Variants in CFI observed in about 807,000 individuals in gnomAD.
CFI encodes complement factor I, also known as C3B/C4B inactivator.
CFI carries 66 observed loss-of-function variants against 78.8 expected under a neutral mutation model. The observed-to-expected ratio is 0.84, with a 90% CI of 0.69 to 1.03. The LOEUF (loss-of-function observed/expected upper bound fraction) is 1.03, where lower values mean the gene tolerates loss of function less well. CFI is among the 50% of genes least tolerant of loss of function. The pLI is 0.00. For synonymous variants in CFI, 250 were observed against 232.6 expected, an observed-to-expected ratio of 1.07 and a Z score of -0.68; for missense variants, 706 against 704.5, an observed-to-expected ratio of 1.00 and a Z score of -0.02.
At chr4:109,753,835 A>ATTTGAT (rs1725734209) in intron 7 of CFI, among the ~76,000 whole-genome samples, 2 of 50,920 alleles carry the variant, frequency 3.9e-5, no homozygotes, top group Non-Finnish European at 3.3e-5. Context: ...TATATTATAT[A>ATTTGAT]ATGTATAATC....
At chr4:109,749,741 T>G (rs1284767220) in intron 8 of CFI, 139 bp from the exon 9 acceptor site, 1 of 652,208 alleles carries the variant, frequency 1.5e-6, no homozygotes, top group Non-Finnish European at 2.8e-6. Context: ...TAAATTATTT[T>G]GAATGCTAAA....
chr4:109,797,290 G>T (rs924053596), intron 1 of CFI, among the ~76,000 whole-genome samples: 6 of 152,164 alleles, frequency 3.9e-5, no homozygotes, highest in African/African-American at 1.4e-4. Flanking sequence ...ATAGTCAACT[G>T]CTCTTCAACA....
intron 11 of CFI, among the ~76,000 whole-genome samples, chr4:109,743,382 T>C (rs1724037547): frequency 6.6e-6 from 1 of 152,202 alleles, no homozygotes; most frequent in Non-Finnish European, 1.5e-5. Flanking sequence ...TTGGCACTCT[T>C]GTAAGCTTCT....
downstream of CFI, among the ~76,000 whole-genome samples, chr4:109,739,452 A>G (rs1723577977): frequency 6.6e-6 from 1 of 152,098 alleles, no homozygotes; most frequent in African/African-American, 2.4e-5. Flanking sequence ...AACAGAATAC[A>G]CTGGGGGAAG....
chr4:109,760,493 A>T (rs1006269350), intron 5 of CFI, 30 bp downstream of exon 5: 1 of 1,481,652 alleles, frequency 6.7e-7, no homozygotes. Flanking sequence ...AAATGAATTT[A>T]GAGGATTTAG....
intron 1 of CFI, among the ~76,000 whole-genome samples, chr4:109,775,644 A>T (rs1315243417): frequency 6.6e-6 from 1 of 152,168 alleles, no homozygotes; most frequent in African/African-American, 2.4e-5. Context: ...AGCTTTGAAG[A>T]GAGTAGTGGT....
intron 1 of CFI, among the ~76,000 whole-genome samples, chr4:109,769,773 G>A (rs944532228): frequency 2.6e-5 from 4 of 152,178 alleles, no homozygotes; most frequent in African/African-American, 9.7e-5. Context: ...CAGGAGTCCT[G>A]TTTCCCTCCT....
rs1554027649 is a variant in CFI at position 109,753,541 on chromosome 4, A to AAT, written c.905-1040_905-1039dup. On this transcript the variant is annotated intron_variant, in intron 7 of 12. Transcript: ENST00000394634. The stretch of plus-strand genomic sequence containing the variant: ...ATAAATATTTATAATAAATATTTAT[A>AAT]ATATATTTATTATATAAATAAATAT... Among the ~76,000 whole-genome samples, 8 of 1,362 alleles carry AAT rather than the reference A, an allele frequency of 5.9e-3. 1 individual carries two copies. Among genetic ancestry groups the AAT allele is most frequent in the South Asian group, 0.036 (1 of 28 alleles). The allele number at this position is 1,362 out of a possible 152,430, so 0.9% of individuals were successfully genotyped here.
chr4:109,798,520 T>TA (rs80282320), intron 1 of CFI, among the ~76,000 whole-genome samples: 67,866 of 150,852 alleles, frequency 0.45, 17,702 homozygotes, highest in Non-Finnish European at 0.6. Flanking sequence ...TTTTTTTTTT[T>TA]AAAAAGACCA....
the CFI span, among the ~76,000 whole-genome samples, chr4:109,734,515 G>T: frequency 6.6e-6 from 1 of 152,092 alleles, no homozygotes; most frequent in Non-Finnish European, 1.5e-5. Flanking sequence ...TAGAAATGGC[G>T]ATTACAGGCA....
chr4:109,747,258 T>C (rs1724588951), intron 10 of CFI, among the ~76,000 whole-genome samples: 1 of 152,170 alleles, frequency 6.6e-6, no homozygotes, highest in Non-Finnish European at 1.5e-5. Context: ...TGAACATAGC[T>C]CACTGCAGCC....
In CFI at chr4:109,749,341, G is replaced by A; in HGVS notation, c.1045-20C>T. ...GTCTCCCTGTAAAAGACATTTGTGT[G>A]GTCACTGCCATTCTAACAGATAGCG... On this transcript the variant is annotated intron_variant, in intron 9 of 12. Transcript: ENST00000394634. 1 of 1,597,612 alleles carries A rather than the reference G, an allele frequency of 6.3e-7. No individual in the cohort carries two copies. The highest frequency in any genetic ancestry group is 1.3e-5 in the African/African-American group (1 of 74,666).
intron 3 of CFI, among the ~76,000 whole-genome samples, chr4:109,763,827 A>G (rs1727382251): frequency 6.6e-6 from 1 of 151,870 alleles, no homozygotes; most frequent in Admixed American, 6.6e-5. Context: ...TCAATAACAC[A>G]AAGTTAACCA....
At chr4:109,737,859 C>T (rs150320510), downstream of CFI, among the ~76,000 whole-genome samples, 2,772 of 152,314 alleles carry the variant, frequency 0.018, 41 homozygotes, top group Non-Finnish European at 0.031. Flanking sequence ...AGCGCTGAGA[C>T]AGACCTCTAA....
At chr4:109,770,176 A>T (rs373591978) in intron 1 of CFI, among the ~76,000 whole-genome samples, 1 of 152,196 alleles carries the variant, frequency 6.6e-6, no homozygotes, top group East Asian at 1.9e-4. Flanking sequence ...GCTAAGTGGC[A>T]TGTAATTAAA....
chr4:109,772,379 G>A (rs11929767), intron 1 of CFI, among the ~76,000 whole-genome samples: 13,343 of 152,238 alleles, frequency 0.088, 1,238 homozygotes, highest in African/African-American at 0.23. Context: ...AAATATAAAC[G>A]ATGTGAGTAT....
At chr4:109,793,215 C>G (rs976300838) in intron 1 of CFI, among the ~76,000 whole-genome samples, 4 of 152,250 alleles carry the variant, frequency 2.6e-5, no homozygotes, top group African/African-American at 9.6e-5. Flanking sequence ...GATAACTTGG[C>G]TTTGAGAGCA....
rs1342957482 is a variant in CFI at position 109,749,613 on chromosome 4, G to T, written c.941-11C>A. The T allele has an allele frequency of 6.6e-7, 1 of 1,506,554 alleles. No individual in the cohort carries two copies. The highest frequency in any genetic ancestry group is 1.7e-5 in the Admixed American group (1 of 59,870). The allele number at this position is 1,506,554 out of a possible 1,614,324, so 93.3% of individuals were successfully genotyped here. Reference sequence around the variant, plus strand: ...TTATCCGTCTTCTTTCTTCAAGAAAGGAAGAGATTACATCATTATTATCTT... The same window carrying T: ...TTATCCGTCTTCTTTCTTCAAGAAATGAAGAGATTACATCATTATTATCTT... On this transcript the variant is annotated splice_polypyrimidine_tract_variant and intron_variant, in intron 8 of 12. Transcript: ENST00000394634.
chr4:109,760,441 T>A (rs952228361), intron 5 of CFI, 61 bp from the exon 6 acceptor site: 1 of 1,497,816 alleles, frequency 6.7e-7, no homozygotes, highest in African/African-American at 1.4e-5. Flanking sequence ...AGGTACAATA[T>A]AAAATTCAAT....
Sources: allele counts gnomAD v4.1 joint callset (sites outside exome capture counted in the v4.1 genomes callset), GRCh38; gene constraint gnomAD v4.1.1; transcripts MANE v1.5; gene names NCBI Gene and HGNC (gene_info 2026-07-23, HGNC 2026-07-21).